NDOR1: variants seen among roughly 807,000 people sequenced by gnomAD.
The protein encoded by NDOR1 is NADPH-dependent diflavin oxidoreductase 1.
In NDOR1, 61 loss-of-function variants were observed where a neutral mutation model predicts 67.2. The observed-to-expected ratio is 0.91, with a 90% CI of 0.74 to 1.12. The LOEUF (loss-of-function observed/expected upper bound fraction) is 1.12. Among genes scored for constraint, NDOR1 ranks in the 50% most tolerant of loss-of-function variants. NDOR1 has a pLI of 0.00. For synonymous variants in NDOR1, 378 were observed against 343.7 expected (o/e 1.10, Z -1.10); for missense variants, 878 against 802.8 (o/e 1.09, Z -1.13).
rs115516453 is a variant in NDOR1, at chr9:137,217,602, C to T, written c.*1186C>T. Reference sequence around the variant, plus strand: ...AGCCAGATCTGGCTGGGGACAGCACCGCGTGGGCCCAGGATCCACCCAGAG... The same window carrying T: ...AGCCAGATCTGGCTGGGGACAGCACTGCGTGGGCCCAGGATCCACCCAGAG... On this transcript the variant is annotated 3_prime_UTR_variant, in exon 14 of 14. Transcript: ENST00000684003. The T allele has an allele frequency of 0.011, 1,959 of 182,388 alleles. 44 individuals are homozygous for T. The highest frequency in any genetic ancestry group is 0.042 in the African/African-American group (1,804 of 42,726). 11.3% of individuals were successfully genotyped at this position (182,388 alleles called of 1,614,324 possible). A position where few individuals can be genotyped will look rare whatever the true frequency, so the allele number is the denominator to read the frequency against.
chr9:137,214,629 G>C lies in NDOR1; in HGVS notation c.782G>C (p.Arg261Pro). The C allele has an allele frequency of 1.2e-6, 2 of 1,609,518 alleles. No individual in the cohort carries two copies. The highest frequency in any genetic ancestry group is 2.2e-5 in the South Asian group (2 of 91,084). ...QPSNSAAHVQ[R>P]FCQVLGLDPD... ...TCCAACTCGGCTGCCCATGTCCAGC[G>C]GTTCTGCCAGGTGCTGGGCCTGGAC... Residue 261 changes from arginine (R) to proline (P), a missense_variant, in exon 7 of 14, where the codon CGG (arginine) becomes CCG (proline). By Grantham distance (103) the Arg-to-Pro change is moderately radical. Transcript: ENST00000684003.
chr9:137,211,478 G>A (rs552671044), intron 2 of NDOR1, among the ~76,000 whole-genome samples: 61 of 152,276 alleles, frequency 4.0e-4, no homozygotes, highest in African/African-American at 1.3e-3. Context: ...AGACCCAGCC[G>A]CATGCCAGTC....
chr9:137,215,344 C>A, intron 9 of NDOR1, 63 bp from the exon 10 acceptor site: 1 of 1,567,986 alleles, frequency 6.4e-7, no homozygotes. Flanking sequence ...AGGTGGGGCC[C>A]ACGGCCCAGG....
chr9:137,211,123 A>G (rs1208930932), intron 2 of NDOR1, among the ~76,000 whole-genome samples: 1 of 152,284 alleles, frequency 6.6e-6, no homozygotes, highest in Non-Finnish European at 1.5e-5. Flanking sequence ...CCTGGGCTAC[A>G]GAGTGAGACT....
rs921354102 is a variant in NDOR1 at position 137,218,642 on chromosome 9, G to T, written c.*2226G>T. 4 of 398,434 alleles carry T rather than the reference G, an allele frequency of 1.0e-5. No individual in the cohort carries two copies. Among genetic ancestry groups the T allele is most frequent in the Non-Finnish European group, 1.8e-5 (4 of 226,020 alleles). The allele number at this position is 398,434 out of a possible 1,614,324, so 24.7% of individuals were successfully genotyped here. A position where few individuals can be genotyped will look rare whatever the true frequency, so the allele number is the denominator to read the frequency against. On this transcript the variant is annotated 3_prime_UTR_variant, in exon 14 of 14. Transcript: ENST00000684003. ...AGCCCCGCCGCCAACAGGCCAGGGG[G>T]CCCAGACTGGCCCACGTCCCCATGC...
chr9:137,205,769 C>A lies in NDOR1; in HGVS notation c.-9C>A. ...TTTAGTCTCAGACCAGACCACCGGG[C>A]GCACCCCGATGCCGAGCCCGCAGCT... On this transcript the variant is annotated 5_prime_UTR_variant, in exon 1 of 14. Coordinates refer to ENST00000684003, the MANE Select transcript of NDOR1 (RefSeq NM_014434.4). The A allele has an allele frequency of 6.2e-7, 1 of 1,602,884 alleles. No individual in the cohort carries two copies. Among genetic ancestry groups the A allele is most frequent in the East Asian group, 2.2e-5 (1 of 44,860 alleles).
At position 137,218,531 on chromosome 9, in the gene NDOR1, C is replaced by T. The variant is rs1835740266; in HGVS notation, c.*2115C>T. 3 of 400,944 alleles carry T rather than the reference C, an allele frequency of 7.5e-6. No homozygotes were observed. The highest frequency in any genetic ancestry group is 2.1e-5 in the African/African-American group (1 of 48,646). The allele number at this position is 400,944 out of a possible 1,614,324, so 24.8% of individuals were successfully genotyped here. A position where few individuals can be genotyped will look rare whatever the true frequency, so the allele number is the denominator to read the frequency against. On this transcript the variant is annotated 3_prime_UTR_variant, in exon 14 of 14. Coordinates refer to ENST00000684003, the MANE Select transcript of NDOR1 (RefSeq NM_014434.4). ...CCTGCTGGCCCTTGAGCTTCTGGGG[C>T]TGCTGCTGGTCTTCACGCCGCTCCT...
rs771233105 is a variant in NDOR1 at position 137,218,550 on chromosome 9, C to T, written c.*2134C>T. 12 of 400,442 alleles carry T rather than the reference C, an allele frequency of 3.0e-5. No individual in the cohort carries two copies. The highest frequency in any genetic ancestry group is 4.1e-5 in the African/African-American group (2 of 48,626). 24.8% of individuals were successfully genotyped at this position (400,442 alleles called of 1,614,324 possible). On this transcript the variant is annotated 3_prime_UTR_variant, in exon 14 of 14. Coordinates refer to ENST00000684003, the MANE Select transcript of NDOR1 (RefSeq NM_014434.4). ...CTGGGGCTGCTGCTGGTCTTCACGC[C>T]GCTCCTGCTGCTGGGACTGCTCTTC...
rs200133206 is a variant in NDOR1 at position 137,214,611 on chromosome 9, C to T, written c.764C>T (p.Ser255Leu). 15 of 1,610,870 alleles carry T rather than the reference C, an allele frequency of 9.3e-6. No homozygotes were observed. In the South Asian group the frequency reaches 1.3e-4, roughly 14 times the overall value. Reference protein sequence around the residue: ...GDVVLIQPSNSAAHVQRFCQV... With the variant: ...GDVVLIQPSNLAAHVQRFCQV... ...GTGGTGCTGATTCAGCCCTCCAACT[C>T]GGCTGCCCATGTCCAGCGGTTCTGC... is the stretch of plus-strand genomic sequence containing the variant. Residue 255 changes from serine to leucine, a missense_variant, in exon 7 of 14, where the codon TCG (serine) becomes TTG (leucine). Transcript: ENST00000684003.
At position 137,212,704 on chromosome 9, in the gene NDOR1, G is replaced by A. The variant is rs554066586; in HGVS notation, c.311+105G>A. The A allele has an allele frequency of 1.8e-4, 185 of 1,039,508 alleles. No homozygotes were observed. The East Asian group carries it at 4.1e-3, about 23-fold the overall frequency. 64.4% of individuals were successfully genotyped at this position (1,039,508 alleles called of 1,614,324 possible). A position where few individuals can be genotyped will look rare whatever the true frequency, so the allele number is the denominator to read the frequency against. Reference sequence around the variant, plus strand: ...CAGCTTCCAGGGTCGGCCCCTGCGCGCCTCAGGGCCCTCGCAGTGGTACTG... The same window carrying A: ...CAGCTTCCAGGGTCGGCCCCTGCGCACCTCAGGGCCCTCGCAGTGGTACTG... On this transcript the variant is annotated intron_variant, in intron 3 of 13. Transcript: ENST00000684003. The surrounding 1 kb of genome is among the most constrained non-coding windows in gnomAD (Gnocchi z 4.3).
rs1022978904 is a variant in NDOR1 at position 137,215,764 on chromosome 9, T to C, written c.1394T>C (p.Phe465Ser). ...GGGCCTGGCACTGGGGTAGCCCCCTTCCGAGCAGCCATCCAGGAGCGTGTG... is the reference window on the plus strand; with the variant it reads ...GGGCCTGGCACTGGGGTAGCCCCCTCCCGAGCAGCCATCCAGGAGCGTGTG... ...MVGPGTGVAPFRAAIQERVAQ... is the reference protein window; with the variant it reads ...MVGPGTGVAPSRAAIQERVAQ... The change falls in exon 11 of 14, where the codon TTC becomes TCC. Residue 465 changes from phenylalanine to serine, a missense_variant. By Grantham distance (155) the Phe-to-Ser change is radical. Transcript: ENST00000684003. The C allele has an allele frequency of 2.5e-6, 4 of 1,599,274 alleles. No homozygotes were observed. The highest frequency in any genetic ancestry group is 3.4e-6 in the Non-Finnish European group (4 of 1,171,886).
chr9:137,214,415 T>C lies in NDOR1; in HGVS notation c.722+2T>C, dbSNP rs750938696. ...TGACATCTTGGGCTCTGGCATCAGG[T>C]GGGGACTGCTGGGGACCGAGGAGGG... On this transcript the variant is annotated splice_donor_variant, in intron 6 of 13. Coordinates refer to ENST00000684003, the MANE Select transcript of NDOR1 (RefSeq NM_014434.4). LOFTEE classifies it high-confidence loss of function. 4 of 1,613,536 alleles carry C rather than the reference T, an allele frequency of 2.5e-6. No individual in the cohort carries two copies. Among genetic ancestry groups the C allele is most frequent in the Non-Finnish European group, 8.5e-7 (1 of 1,179,908 alleles).
Position 137,217,698 on chromosome 9 carries a change from A to C in NDOR1, c.*1282A>C. On this transcript the variant is annotated 3_prime_UTR_variant, in exon 14 of 14. Coordinates refer to ENST00000684003, the MANE Select transcript of NDOR1 (RefSeq NM_014434.4). ...GAGAGCCAGCCGGGAGGTCAGTGCC[A>C]GAGCTCTGGTGGAGCCCAGACCCTG... 1.6e-5 allele frequency: 5 copies of C among 319,478 alleles called. No individual in the cohort carries two copies. Among genetic ancestry groups the C allele is most frequent in the Admixed American group, 5.0e-5 (1 of 20,188 alleles). 19.8% of individuals were successfully genotyped at this position (319,478 alleles called of 1,614,324 possible).
In NDOR1 at chr9:137,218,575, C is replaced by T. The variant is rs757736253; in HGVS notation, c.*2159C>T. 1.5e-4 allele frequency: 58 copies of T among 399,610 alleles called. No homozygotes were observed. Among genetic ancestry groups the T allele is most frequent in the South Asian group, 3.8e-4 (3 of 7,948 alleles). The allele number at this position is 399,610 out of a possible 1,614,324, so 24.8% of individuals were successfully genotyped here. A position where few individuals can be genotyped will look rare whatever the true frequency, so the allele number is the denominator to read the frequency against. ...CGCTCCTGCTGCTGGGACTGCTCTT[C>T]GTGCTCCTGGACCGCTCTGGCCGCT... On this transcript the variant is annotated 3_prime_UTR_variant, in exon 14 of 14. Transcript: ENST00000684003.
rs764066360 is a variant in NDOR1, at chr9:137,219,184, G to A, written c.*2768G>A. 1 of 152,394 alleles carries A rather than the reference G, an allele frequency of 6.6e-6. No homozygotes were observed. The highest frequency in any genetic ancestry group is 2.4e-5 in the African/African-American group (1 of 41,480). The allele number at this position is 152,394 out of a possible 1,614,324, so 9.4% of individuals were successfully genotyped here. A position where few individuals can be genotyped will look rare whatever the true frequency, so the allele number is the denominator to read the frequency against. Reference sequence around the variant, plus strand: ...CTTGATCAGGCCCAGACCAGGTGGGGGTTGGCGCTGGCCTGTGTTGCAGGG... The same window carrying A: ...CTTGATCAGGCCCAGACCAGGTGGGAGTTGGCGCTGGCCTGTGTTGCAGGG... On this transcript the variant is annotated 3_prime_UTR_variant, in exon 14 of 14. Coordinates refer to ENST00000684003, the MANE Select transcript of NDOR1 (RefSeq NM_014434.4).
chr9:137,215,881 C>T lies in NDOR1; in HGVS notation c.1436-18C>T. ...AACCTCAAGGACCTGTGGCCAAGAG[C>T]ACCCTGTATTTCCCTAGGAAACTTC... On this transcript the variant is annotated intron_variant, in intron 11 of 13. Transcript: ENST00000684003. 1 of 1,612,954 alleles carries T rather than the reference C, an allele frequency of 6.2e-7. No individual in the cohort carries two copies. The highest frequency in any genetic ancestry group is 1.3e-5 in the African/African-American group (1 of 75,072).
rs1259903789 is a variant in NDOR1 at position 137,218,281 on chromosome 9, GGCCGACGGGCCCTCACGCCAGCCCC to G, written c.*1871_*1895del. The G allele has an allele frequency of 5.0e-6, 2 of 398,224 alleles. No homozygotes were observed. The highest frequency in any genetic ancestry group is 8.9e-6 in the Non-Finnish European group (2 of 225,840). 24.7% of individuals were successfully genotyped at this position (398,224 alleles called of 1,614,324 possible). A position where few individuals can be genotyped will look rare whatever the true frequency, so the allele number is the denominator to read the frequency against. On this transcript the variant is annotated 3_prime_UTR_variant, in exon 14 of 14. Coordinates refer to ENST00000684003, the MANE Select transcript of NDOR1 (RefSeq NM_014434.4). The stretch of plus-strand genomic sequence containing the variant: ...GCCGGCTACAGGAGGAGCTGCTACA[GGCCGACGGGCCCTCACGCCAGCCCC>G]GCCGAGAGGCCCCTGCATCCTATCA...
intron 2 of NDOR1, among the ~76,000 whole-genome samples, chr9:137,207,292 C>A (rs562229041): frequency 6.6e-6 from 1 of 151,658 alleles, no homozygotes; most frequent in Non-Finnish European, 1.5e-5. Flanking sequence ...GAGAGAGTCC[C>A]CGGGACATGG....
At position 137,218,858 on chromosome 9, in the gene NDOR1, A is replaced by G; in HGVS notation, c.*2442A>G. 1 of 384,494 alleles carries G rather than the reference A, an allele frequency of 2.6e-6. No individual in the cohort carries two copies. 23.8% of individuals were successfully genotyped at this position (384,494 alleles called of 1,614,324 possible). ...CCCAAGGACACCAGCGCCCAAGGAC[A>G]GCTCCTGGAGGAGGCCAGCCCAGCA... On this transcript the variant is annotated 3_prime_UTR_variant, in exon 14 of 14. Coordinates refer to ENST00000684003, the MANE Select transcript of NDOR1 (RefSeq NM_014434.4).
Sources: gnomAD v4.1 joint callset for allele counts (sites outside exome capture counted in the v4.1 genomes callset) on GRCh38, gnomAD v4.1.1 for gene constraint, Gnocchi (gnomAD v3.1) non-coding constraint, MANE v1.5 for transcripts, NCBI Gene and HGNC (gene_info 2026-07-23, HGNC 2026-07-21) for gene names.